The following MRTFA variants were observed in gnomAD, a reference collection of about 807,000 sequenced individuals.
The protein encoded by MRTFA is myocardin related transcription factor A.
Under a neutral mutation model 83.5 loss-of-function variants are expected in MRTFA, and 20 were observed. The observed-to-expected ratio is 0.24, with a 90% CI of 0.17 to 0.35. The LOEUF (loss-of-function observed/expected upper bound fraction) is 0.35. Ranked by LOEUF, MRTFA falls within the 10% of genes least tolerant of loss-of-function variation. The pLI, the probability that MRTFA is intolerant of heterozygous loss-of-function variation, is 1.00. For synonymous variants in MRTFA, 659 were observed against 541.2 expected, an observed-to-expected ratio of 1.22 and a Z score of -3.02; for missense variants, 1,200 against 1,224.7, an observed-to-expected ratio of 0.98 and a Z score of 0.30.
chr22:40,486,421 A>G (rs1331976417), intron 3 of MRTFA, among the ~76,000 whole-genome samples: 4 of 152,236 alleles, frequency 2.6e-5, no homozygotes, highest in Non-Finnish European at 5.9e-5. Flanking sequence ...AGAAAGTTCC[A>G]GGCTGGTGAC....
chr22:40,422,130 G>A (rs932053712), intron 9 of MRTFA, among the ~76,000 whole-genome samples: 4 of 100,758 alleles, frequency 4.0e-5, no homozygotes, highest in Non-Finnish European at 8.3e-5. Context: ...AAGAAGTACA[G>A]GCAGAGGCAG....
intron 4 of MRTFA, among the ~76,000 whole-genome samples, chr22:40,462,211 C>T (rs1001532464): frequency 2.0e-5 from 3 of 152,174 alleles, no homozygotes; most frequent in African/African-American, 4.8e-5. Flanking sequence ...TCAAGGTGAT[C>T]CCTGCTCTGA....
chr22:40,480,689 A>G (rs1421560872), intron 3 of MRTFA, among the ~76,000 whole-genome samples: 1 of 151,706 alleles, frequency 6.6e-6, no homozygotes, highest in African/African-American at 2.4e-5. Context: ...TCGCACCTGT[A>G]ATCCCTGCAC....
chr22:40,495,079 A>G (rs2054328984), intron 3 of MRTFA, among the ~76,000 whole-genome samples: 1 of 152,090 alleles, frequency 6.6e-6, no homozygotes, highest in South Asian at 2.1e-4. Context: ...TGCATAGTTA[A>G]GAGTACAGGC....
intron 1 of MRTFA, among the ~76,000 whole-genome samples, chr22:40,611,864 C>T (rs1363104474): frequency 1.3e-5 from 2 of 152,114 alleles, no homozygotes; most frequent in South Asian, 4.1e-4. Context: ...AGTCAGTCCA[C>T]TCATTGCTCA....
At chr22:40,565,364 C>G (rs1166387440) in intron 2 of MRTFA, among the ~76,000 whole-genome samples, 1 of 152,110 alleles carries the variant, frequency 6.6e-6, no homozygotes, top group Admixed American at 6.5e-5. Flanking sequence ...CTGGCCAATA[C>G]AGTGAAACTC....
intron 2 of MRTFA, among the ~76,000 whole-genome samples, chr22:40,592,928 A>T (rs902820840): frequency 6.6e-6 from 1 of 152,196 alleles, no homozygotes; most frequent in Non-Finnish European, 1.5e-5. Context: ...AAGTTTCCCA[A>T]AACAGCAGTA....
chr22:40,424,445 C>T, intron 7 of MRTFA, 64 bp from the exon 8 acceptor site: 6 of 1,555,874 alleles, frequency 3.9e-6, no homozygotes, highest in Non-Finnish European at 5.2e-6. Flanking sequence ...CAGGGACAGG[C>T]CTGGCTCGCA....
chr22:40,577,105 C>A (rs1457616841), intron 2 of MRTFA, among the ~76,000 whole-genome samples: 1 of 151,850 alleles, frequency 6.6e-6, no homozygotes, highest in African/African-American at 2.4e-5. Context: ...CACCTGTGGT[C>A]CCAGTTACTT....
intron 3 of MRTFA, among the ~76,000 whole-genome samples, chr22:40,546,360 C>A (rs768665921): frequency 6.6e-6 from 1 of 152,134 alleles, no homozygotes; most frequent in Non-Finnish European, 1.5e-5. Flanking sequence ...AGCAAAAGCT[C>A]TGAATGGCAA....
chr22:40,555,586 T>C lies in MRTFA; in HGVS notation c.-21-3219A>G, dbSNP rs527304376. Reference sequence around the variant, plus strand: ...TAAACCTCATAAATTAAAAAAAATTTTATATATATATATATATCTCCACTC... The same window carrying C: ...TAAACCTCATAAATTAAAAAAAATTCTATATATATATATATATCTCCACTC... On this transcript the variant is annotated intron_variant, in intron 2 of 14. Transcript: ENST00000355630. 2.8e-4 allele frequency among the ~76,000 whole-genome samples: 41 copies of C among 149,022 alleles called. 1 individual carries two copies. The highest frequency in any genetic ancestry group is 3.5e-3 in the Middle Eastern group (1 of 286).
chr22:40,563,541 G>C (rs901311064), intron 2 of MRTFA, among the ~76,000 whole-genome samples: 2 of 149,456 alleles, frequency 1.3e-5, no homozygotes, highest in African/African-American at 4.9e-5. Flanking sequence ...TTCTGTCCCA[G>C]GTATAAATAC....
chr22:40,630,875 T>C (rs928114727), intron 1 of MRTFA, among the ~76,000 whole-genome samples: 5 of 152,166 alleles, frequency 3.3e-5, no homozygotes, highest in African/African-American at 1.2e-4. Context: ...GCCTATACCT[T>C]TGAAATTCCC....
At chr22:40,478,479 A>G (rs899327721) in intron 3 of MRTFA, among the ~76,000 whole-genome samples, 3 of 152,154 alleles carry the variant, frequency 2.0e-5, no homozygotes, top group African/African-American at 7.2e-5. Flanking sequence ...GTTTATTTTC[A>G]AAACCCACGG....
At chr22:40,520,874 G>A (rs2054854823) in intron 3 of MRTFA, among the ~76,000 whole-genome samples, 1 of 152,076 alleles carries the variant, frequency 6.6e-6, no homozygotes, top group African/African-American at 2.4e-5. Context: ...ATTTGTCTGT[G>A]TAAAAATACA....
chr22:40,505,503 C>G (rs1220740254), intron 3 of MRTFA, among the ~76,000 whole-genome samples: 1 of 152,184 alleles, frequency 6.6e-6, no homozygotes, highest in African/African-American at 2.4e-5. Flanking sequence ...GAGAAGTAGT[C>G]AATACATGGT....
chr22:40,563,043 CT>C (rs2055652417), intron 2 of MRTFA, among the ~76,000 whole-genome samples: 1 of 152,146 alleles, frequency 6.6e-6, no homozygotes, highest in South Asian at 2.1e-4. Context: ...AATATTTCCT[CT>C]TCCCCCAACA....
chr22:40,469,462 G>A (rs537494440), intron 3 of MRTFA, among the ~76,000 whole-genome samples: 2 of 152,308 alleles, frequency 1.3e-5, no homozygotes, highest in East Asian at 3.9e-4. Context: ...TAGAAGCTGA[G>A]CAGACGCTGG....
At position 40,533,648 on chromosome 22, in the gene MRTFA, C is replaced by T. The variant is rs990941315; in HGVS notation, c.241+18458G>A. ...CCAGTAGAGTCATGACGGATTCTTC[C>T]AGAAACAAAAATCCACAAATATAAT... On this transcript the variant is annotated intron_variant, in intron 3 of 14. Transcript: ENST00000355630. 4.9e-6 allele frequency: 6 copies of T among 1,227,888 alleles called. 1 individual carries two copies. In the South Asian group the frequency reaches 2.1e-4, roughly 42 times the overall value. 76.1% of individuals were successfully genotyped at this position (1,227,888 alleles called of 1,614,324 possible). A position where few individuals can be genotyped will look rare whatever the true frequency, so the allele number is the denominator to read the frequency against.
Sources: gnomAD v4.1 joint callset for allele counts (sites outside exome capture counted in the v4.1 genomes callset) on GRCh38, gnomAD v4.1.1 for gene constraint, MANE v1.5 for transcripts, NCBI Gene and HGNC (gene_info 2026-07-23, HGNC 2026-07-21) for gene names.